IL1R2: variants seen among roughly 807,000 people sequenced by gnomAD.
IL1R2 encodes the protein interleukin 1 receptor type 2, also known as interleukin-1 receptor type 2.
Under a neutral mutation model 39.5 loss-of-function variants are expected in IL1R2, and 46 were observed. The ratio of observed to expected loss-of-function variants is 1.16; its 90% CI spans 0.92 to 1.49. The LOEUF (loss-of-function observed/expected upper bound fraction) is 1.49, where lower values mean the gene tolerates loss of function less well. IL1R2 is among the 40% of genes most tolerant of loss of function. IL1R2 has a pLI of 0.00. For missense variants in IL1R2, 537 were observed against 502.0 expected, an observed-to-expected ratio of 1.07 and a Z score of -0.67; for synonymous variants, 207 against 189.6, an observed-to-expected ratio of 1.09 and a Z score of -0.75.
chr2:102,023,880 T>C (rs998643835), intron 6 of IL1R2, among the ~76,000 whole-genome samples: 4 of 151,638 alleles, frequency 2.6e-5, no homozygotes, highest in African/African-American at 9.7e-5. Context: ...ACCCCATCTC[T>C]ACTAAAAAAT....
rs144346692 is a variant in IL1R2 at position 102,007,628 on chromosome 2, A to T, written c.-61-887A>T. On this transcript the variant is annotated intron_variant, in intron 1 of 8. Transcript: ENST00000332549. Reference sequence around the variant, plus strand: ...AGGAGAAAAAACATGGAATCACAGAAAAAGCAGTCTGTGGTCTGTGCCTTT... The same window carrying T: ...AGGAGAAAAAACATGGAATCACAGATAAAGCAGTCTGTGGTCTGTGCCTTT... Among the ~76,000 whole-genome samples, 38 of 152,346 alleles carry T rather than the reference A, an allele frequency of 2.5e-4. 1 individual carries two copies. Among genetic ancestry groups the T allele is most frequent in the Admixed American group, 1.6e-3 (24 of 15,310 alleles).
intron 1 of IL1R2, among the ~76,000 whole-genome samples, chr2:101,994,389 G>T (rs534604376): frequency 2.0e-5 from 3 of 152,258 alleles, no homozygotes; most frequent in Non-Finnish European, 2.9e-5. Context: ...GAGCAGACTC[G>T]GGTTGCTTTT....
intron 3 of IL1R2, chr2:102,010,145 C>T (rs187685340): frequency 3.1e-5 from 11 of 354,646 alleles, no homozygotes; most frequent in East Asian, 1.1e-4. Context: ...CATTTGTGTG[C>T]GCTACTGTAT....
chr2:102,014,728 C>A (rs1282129533), intron 3 of IL1R2, among the ~76,000 whole-genome samples: 1 of 151,754 alleles, frequency 6.6e-6, no homozygotes, highest in East Asian at 1.9e-4. Flanking sequence ...TAAAACTCGT[C>A]CTTATTGTCT....
chr2:102,008,528 G>T lies in IL1R2; in HGVS notation c.-48G>T. The T allele has an allele frequency of 6.7e-7, 1 of 1,494,746 alleles. No individual in the cohort carries two copies. The highest frequency in any genetic ancestry group is 1.1e-5 in the South Asian group (1 of 88,738). 92.6% of individuals were successfully genotyped at this position (1,494,746 alleles called of 1,614,324 possible). On this transcript the variant is annotated 5_prime_UTR_variant, in exon 2 of 9. Coordinates refer to ENST00000332549, the MANE Select transcript of IL1R2 (RefSeq NM_004633.4). The stretch of plus-strand genomic sequence containing the variant: ...TTCCTCCCCTAGGCCACGTGCTGCT[G>T]GGTCTCAGTCCTCCACTTCCCGTGT...
chr2:101,998,643 G>T (rs186669632), intron 1 of IL1R2, among the ~76,000 whole-genome samples: 1 of 152,200 alleles, frequency 6.6e-6, no homozygotes, highest in South Asian at 2.1e-4. Context: ...GAGGGTCCAC[G>T]ATGGCTTCAC....
At chr2:102,003,528 G>A (rs1264406860) in intron 1 of IL1R2, among the ~76,000 whole-genome samples, 1 of 119,674 alleles carries the variant, frequency 8.4e-6, no homozygotes, top group Admixed American at 8.3e-5. Context: ...TCCCATGTCT[G>A]TGTCTGTGTC....
In IL1R2 at chr2:101,992,428, C is replaced by CACAG. The variant is rs569093173; in HGVS notation, c.-62+419_-62+422dup. On this transcript the variant is annotated intron_variant, in intron 1 of 8. Coordinates refer to ENST00000332549, the MANE Select transcript of IL1R2 (RefSeq NM_004633.4). ...ACAGAGACAGAGAGAGGCAGAGAGACACAGAGACACAGAGAGAGGTAGAGA... is the reference window on the plus strand; with the variant it reads ...ACAGAGACAGAGAGAGGCAGAGAGACACAGACAGAGACACAGAGAGAGGTAGAGA... Among the ~76,000 whole-genome samples, 1,393 of 142,452 alleles carry CACAG rather than the reference C, an allele frequency of 9.8e-3. 45 individuals carry two copies. The highest frequency in any genetic ancestry group is 0.036 in the African/African-American group (1,327 of 37,054). The allele number at this position is 142,452 out of a possible 152,430, so 93.5% of individuals were successfully genotyped here.
At chr2:102,013,615 G>T (rs1157349011) in intron 3 of IL1R2, among the ~76,000 whole-genome samples, 2 of 146,536 alleles carry the variant, frequency 1.4e-5, no homozygotes, top group Admixed American at 1.4e-4. Flanking sequence ...GAAAGAGTAG[G>T]CAGTCAAGGT....
intron 1 of IL1R2, among the ~76,000 whole-genome samples, chr2:102,005,410 T>C (rs1320339022): frequency 6.6e-6 from 1 of 152,190 alleles, no homozygotes; most frequent in East Asian, 1.9e-4. Flanking sequence ...CTGGGATCTT[T>C]TTATAAACTC....
At chr2:101,998,004 G>A (rs1013963538) in intron 1 of IL1R2, among the ~76,000 whole-genome samples, 1 of 152,190 alleles carries the variant, frequency 6.6e-6, no homozygotes, top group African/African-American at 2.4e-5. Flanking sequence ...TCTTTCTGAG[G>A]AGGCCTTTGC....
intron 4 of IL1R2, among the ~76,000 whole-genome samples, chr2:102,019,186 G>A (rs1677199943): frequency 1.3e-5 from 2 of 152,172 alleles, no homozygotes; most frequent in South Asian, 4.1e-4. Context: ...AGATTTTTCT[G>A]TTACTGACTC....
At chr2:102,024,993 A>T (rs1677644683) in intron 7 of IL1R2, among the ~76,000 whole-genome samples, 1 of 152,188 alleles carries the variant, frequency 6.6e-6, no homozygotes, top group African/African-American at 2.4e-5. Context: ...CCACTCTGCA[A>T]CCTGACTATC....
At chr2:102,012,526 G>C (rs935625636) in intron 3 of IL1R2, among the ~76,000 whole-genome samples, 1 of 150,702 alleles carries the variant, frequency 6.6e-6, no homozygotes, top group Admixed American at 6.6e-5. Context: ...ATATGAGGTA[G>C]AGGGTGCCCT....
At position 102,016,191 on chromosome 2, in the gene IL1R2, A is replaced by G. The variant is rs1289506351; in HGVS notation, c.513+140A>G. 8.0e-6 allele frequency: 5 copies of G among 624,648 alleles called. No individual in the cohort carries two copies. In the African/African-American group the frequency reaches 9.2e-5, roughly 12 times the overall value. 38.7% of individuals were successfully genotyped at this position (624,648 alleles called of 1,614,324 possible). A position where few individuals can be genotyped will look rare whatever the true frequency, so the allele number is the denominator to read the frequency against. ...AACACACACATGGTTTGCCTTTCAT[A>G]TCTGTGAGTTCCACATCCTGGGATT... On this transcript the variant is annotated intron_variant, in intron 4 of 8. Transcript: ENST00000332549.
chr2:102,001,435 G>C (rs1010393499), intron 1 of IL1R2, among the ~76,000 whole-genome samples: 5 of 152,186 alleles, frequency 3.3e-5, no homozygotes, highest in African/African-American at 1.2e-4. Flanking sequence ...GAAGTGATCT[G>C]TCTCACCAGA....
intron 1 of IL1R2, among the ~76,000 whole-genome samples, chr2:102,001,289 A>G (rs1476318832): frequency 2.6e-5 from 4 of 152,250 alleles, no homozygotes; most frequent in African/African-American, 4.8e-5. Flanking sequence ...GCTGGCAGAC[A>G]GTATAAAGAG....
Position 102,024,450 on chromosome 2 carries a change from G to T in IL1R2, c.752-83G>T. The T allele has an allele frequency of 6.3e-6, 6 of 959,372 alleles. No homozygotes were observed. In the South Asian group the frequency reaches 7.9e-5, roughly 13 times the overall value. 59.4% of individuals were successfully genotyped at this position (959,372 alleles called of 1,614,324 possible). A position where few individuals can be genotyped will look rare whatever the true frequency, so the allele number is the denominator to read the frequency against. On this transcript the variant is annotated intron_variant, in intron 6 of 8. Coordinates refer to ENST00000332549, the MANE Select transcript of IL1R2 (RefSeq NM_004633.4). ...GGTGGTGAGGGGTGTTTGAGAAGCC[G>T]AGGAGGGACTCAGGGCTCAGGTTTG...
At position 102,008,586 on chromosome 2, in the gene IL1R2, T is replaced by G; in HGVS notation, c.11T>G (p.Leu4Trp). 6.2e-7 allele frequency: 1 copy of G among 1,614,102 alleles called. No homozygotes were observed. Among genetic ancestry groups the G allele is most frequent in the Non-Finnish European group, 8.5e-7 (1 of 1,179,966 alleles). The stretch of plus-strand genomic sequence containing the variant: ...AAGTTGTCAGGAGCAATGTTGCGCT[T>G]GTACGTGTTGGTAATGGGAGTTTCT... MLRLYVLVMGVSAF... is the reference protein window; with the variant it reads MLRWYVLVMGVSAF... Residue 4 changes from leucine to tryptophan, a missense_variant, in exon 2 of 9, where the codon TTG becomes TGG. By Grantham distance (61) the Leu-to-Trp change is moderately conservative. Transcript: ENST00000332549.
Sources: allele counts gnomAD v4.1 joint callset (sites outside exome capture counted in the v4.1 genomes callset), GRCh38; gene constraint gnomAD v4.1.1; transcripts MANE v1.5; gene names NCBI Gene and HGNC (gene_info 2026-07-23, HGNC 2026-07-21).